The following EPB41L2 variants were observed in gnomAD, a reference collection of about 807,000 sequenced individuals.
EPB41L2 encodes the protein band 4.1-like protein 2.
In EPB41L2, 43 loss-of-function variants were observed where a neutral mutation model predicts 113.0. That is an observed-to-expected ratio of 0.38 (90% CI 0.30 to 0.49). The LOEUF (loss-of-function observed/expected upper bound fraction) is 0.49, where lower values mean the gene tolerates loss of function less well. Among genes scored for constraint, EPB41L2 ranks in the 20% least tolerant of loss-of-function variants. EPB41L2 has a pLI of 0.95. For missense variants in EPB41L2, 1,147 were observed against 1,223.4 expected (o/e 0.94, Z 0.93); for synonymous variants, 442 against 436.7 (o/e 1.01, Z -0.15).
chr6:131,022,478 T>C (rs1789731153), intron 1 of EPB41L2, among the ~76,000 whole-genome samples: 1 of 152,166 alleles, frequency 6.6e-6, no homozygotes, highest in Non-Finnish European at 1.5e-5. Context: ...AAGGGAAAAA[T>C]CTCTCCATTG....
chr6:130,913,592 C>T (rs1003393411), intron 4 of EPB41L2, among the ~76,000 whole-genome samples: 7 of 152,082 alleles, frequency 4.6e-5, no homozygotes, highest in Non-Finnish European at 8.8e-5. Context: ...TTCCTCTCCA[C>T]GCTGTGATCA....
intron 1 of EPB41L2, among the ~76,000 whole-genome samples, chr6:131,059,615 C>A (rs576226381): frequency 7.2e-5 from 11 of 152,262 alleles, no homozygotes; most frequent in African/African-American, 2.2e-4. Flanking sequence ...GTGACAGAAT[C>A]GCATACAAAT....
intron 3 of EPB41L2, among the ~76,000 whole-genome samples, chr6:130,954,289 G>A (rs1456250961): frequency 1.3e-5 from 2 of 151,948 alleles, no homozygotes; most frequent in East Asian, 1.9e-4. Context: ...TCCTGACCTC[G>A]TGATCCGCCC....
At chr6:130,867,320 T>C in intron 16 of EPB41L2, 139 bp downstream of exon 16, 1 of 1,100,080 alleles carries the variant, frequency 9.1e-7, no homozygotes, top group Non-Finnish European at 1.3e-6. Context: ...AATTATGTTG[T>C]TGAAGTACAC....
chr6:130,986,191 A>C (rs1455898695), intron 1 of EPB41L2, among the ~76,000 whole-genome samples: 1 of 152,224 alleles, frequency 6.6e-6, no homozygotes, highest in African/African-American at 2.4e-5. Context: ...AACCATATTA[A>C]TAGAAACCAA....
intron 19 of EPB41L2, among the ~76,000 whole-genome samples, chr6:130,846,475 C>T (rs902928984): frequency 2.6e-5 from 4 of 152,190 alleles, no homozygotes; most frequent in Non-Finnish European, 5.9e-5. Flanking sequence ...AAACTACTGC[C>T]GTTTTCTTCT....
chr6:130,987,606 T>A (rs1175652951), intron 1 of EPB41L2, among the ~76,000 whole-genome samples: 1 of 151,980 alleles, frequency 6.6e-6, no homozygotes, highest in Non-Finnish European at 1.5e-5. Flanking sequence ...GGCAGGAGAA[T>A]CACTTGAACC....
chr6:130,931,489 C>A (rs1194701616), intron 3 of EPB41L2, among the ~76,000 whole-genome samples: 1 of 152,080 alleles, frequency 6.6e-6, no homozygotes, highest in African/African-American at 2.4e-5. Context: ...TAGTACATTT[C>A]TTCTTATATT....
chr6:130,996,343 G>A (rs536261079), intron 1 of EPB41L2, among the ~76,000 whole-genome samples: 19 of 152,152 alleles, frequency 1.2e-4, no homozygotes, highest in Non-Finnish European at 2.4e-4. Context: ...GATGACAGGA[G>A]TCAGGCCAGC....
intron 1 of EPB41L2, among the ~76,000 whole-genome samples, chr6:131,040,473 A>G (rs904357161): frequency 6.6e-6 from 1 of 152,204 alleles, no homozygotes; most frequent in Non-Finnish European, 1.5e-5. Flanking sequence ...AATTTTAGGT[A>G]TGTGTATTTT....
rs996213424 is a variant in EPB41L2 at position 131,027,485 on chromosome 6, G to A, written c.-15+35670C>T. Among the ~76,000 whole-genome samples, 6 of 152,174 alleles carry A rather than the reference G, an allele frequency of 3.9e-5. 1 individual carries two copies. Among genetic ancestry groups the A allele is most frequent in the Middle Eastern group, 6.3e-3 (2 of 316 alleles). ...GGAACACAACAGATTGGGTCTCAGC[G>A]GGCTGTTGCCTAGCAAGTCCAACAA... On this transcript the variant is annotated intron_variant, in intron 1 of 19. Transcript: ENST00000337057.
chr6:130,948,678 T>A (rs1280855867), intron 3 of EPB41L2, among the ~76,000 whole-genome samples: 5 of 152,004 alleles, frequency 3.3e-5, no homozygotes, highest in Non-Finnish European at 7.4e-5. Context: ...AAGGATACAA[T>A]GTTTAAACGC....
chr6:131,008,223 T>A (rs1786053090), intron 1 of EPB41L2, among the ~76,000 whole-genome samples: 1 of 152,232 alleles, frequency 6.6e-6, no homozygotes, highest in African/African-American at 2.4e-5. Context: ...CCCAGCTGCT[T>A]CAGCTCCAGC....
intron 9 of EPB41L2, 115 bp from the exon 10 acceptor site, chr6:130,894,556 T>A: frequency 2.3e-6 from 2 of 864,462 alleles, no homozygotes; most frequent in African/African-American, 1.7e-5. Flanking sequence ...TCAAAAAAGG[T>A]AAATATTGCA....
intron 3 of EPB41L2, among the ~76,000 whole-genome samples, chr6:130,934,526 G>C (rs1230260579): frequency 6.6e-6 from 1 of 152,128 alleles, no homozygotes; most frequent in African/African-American, 2.4e-5. Flanking sequence ...AGCCTGGAGT[G>C]AAGTGGCACA....
chr6:130,970,239 T>G (rs1776432734), intron 1 of EPB41L2: 1 of 152,162 alleles, frequency 6.6e-6, no homozygotes, highest in Non-Finnish European at 1.5e-5. Context: ...ACCCAACCAC[T>G]GCAACAAAAA....
At chr6:131,014,951 T>G (rs1202035244) in intron 1 of EPB41L2, among the ~76,000 whole-genome samples, 1 of 152,156 alleles carries the variant, frequency 6.6e-6, no homozygotes, top group East Asian at 1.9e-4. Flanking sequence ...AGGAAAATGT[T>G]TGGGTGTCTG....
chr6:130,923,901 A>G (rs1316838179), intron 4 of EPB41L2, among the ~76,000 whole-genome samples: 1 of 152,230 alleles, frequency 6.6e-6, no homozygotes, highest in Non-Finnish European at 1.5e-5. Context: ...AATGTAAACT[A>G]CATTCTCATT....
intron 19 of EPB41L2, among the ~76,000 whole-genome samples, chr6:130,848,682 A>C (rs1171390176): frequency 6.6e-6 from 1 of 152,322 alleles, no homozygotes; most frequent in East Asian, 1.9e-4. Flanking sequence ...AGAAAGCATC[A>C]ATATGTCCTT....
Sources: gnomAD v4.1 joint callset for allele counts (sites outside exome capture counted in the v4.1 genomes callset) on GRCh38, gnomAD v4.1.1 for gene constraint, MANE v1.5 for transcripts, NCBI Gene and HGNC (gene_info 2026-07-23, HGNC 2026-07-21) for gene names.